Variants in BNIP3L observed in about 807,000 individuals in gnomAD.
BNIP3L encodes the protein BCL2 interacting protein 3 like.
In BNIP3L, 10 loss-of-function variants were observed where a neutral mutation model predicts 25.5. That is an observed-to-expected ratio of 0.39 (90% CI 0.24 to 0.67). BNIP3L has a LOEUF of 0.67. BNIP3L is among the 30% of genes least tolerant of loss of function. The pLI is 0.45. For missense variants in BNIP3L, 215 were observed against 270.9 expected, an observed-to-expected ratio of 0.79 and a Z score of 1.45; for synonymous variants, 113 against 101.2, an observed-to-expected ratio of 1.12 and a Z score of -0.70.
chr8:26,383,075 T>C lies in BNIP3L; in HGVS notation c.-56T>C. 1 of 1,477,158 alleles carries C rather than the reference T, an allele frequency of 6.8e-7. No individual in the cohort carries two copies. Among genetic ancestry groups the C allele is most frequent in the South Asian group, 1.2e-5 (1 of 82,504 alleles). 91.5% of individuals were successfully genotyped at this position (1,477,158 alleles called of 1,614,324 possible). ...CGGCGGACTCGGCTTGTTGTGTTGC[T>C]GCCTGAGTGCCGGAGACGGTCCTGC... On this transcript the variant is annotated 5_prime_UTR_variant, in exon 1 of 6. Transcript: ENST00000380629.
intron 3 of BNIP3L, among the ~76,000 whole-genome samples, chr8:26,402,177 C>G (rs1806398895): frequency 6.6e-6 from 1 of 152,116 alleles, no homozygotes; most frequent in African/African-American, 2.4e-5. Context: ...TTTTGCTTTT[C>G]TCTGAAATGT....
intron 2 of BNIP3L, 125 bp downstream of exon 2, chr8:26,391,551 T>C: frequency 1.3e-6 from 1 of 750,970 alleles, no homozygotes; most frequent in South Asian, 2.6e-5. Flanking sequence ...TATATTGTAG[T>C]ATAATATATA....
Position 26,385,016 on chromosome 8 carries a change from C to A in BNIP3L, c.100+1786C>A, listed in dbSNP as rs192556546. On this transcript the variant is annotated intron_variant, in intron 1 of 5. Coordinates refer to ENST00000380629, the MANE Select transcript of BNIP3L (RefSeq NM_004331.3). ...GGCTGGTCTCAAACTCCTGACCTCA[C>A]GTCATCCGCCCGCCTGGGCCTCCCA... 1.7e-3 allele frequency among the ~76,000 whole-genome samples: 253 copies of A among 151,916 alleles called. 1 individual carries two copies. The highest frequency in any genetic ancestry group is 2.6e-3 in the Non-Finnish European group (179 of 67,932).
At chr8:26,406,874 A>C (rs536204391) in intron 3 of BNIP3L, among the ~76,000 whole-genome samples, 1 of 151,310 alleles carries the variant, frequency 6.6e-6, no homozygotes, top group East Asian at 1.9e-4. Flanking sequence ...TTAAGTGCTC[A>C]ATAAATACTA....
intron 3 of BNIP3L, among the ~76,000 whole-genome samples, chr8:26,404,419 G>A (rs1245724387): frequency 1.3e-5 from 2 of 152,144 alleles, no homozygotes; most frequent in Admixed American, 1.3e-4. Flanking sequence ...ATATTTAGAG[G>A]ACAGAGTGAC....
intron 3 of BNIP3L, 49 bp from the exon 4 acceptor site, chr8:26,407,948 TAGG>T: frequency 1.3e-6 from 2 of 1,504,862 alleles, no homozygotes; most frequent in Non-Finnish European, 1.8e-6. Flanking sequence ...TTCTTTGTAT[TAGG>T]AGGAATTGGT....
chr8:26,400,886 G>A (rs1305487875), intron 3 of BNIP3L, among the ~76,000 whole-genome samples: 1 of 140,686 alleles, frequency 7.1e-6, no homozygotes, highest in Non-Finnish European at 1.5e-5. Context: ...ACACCAGTTA[G>A]AATGGCAATC....
chr8:26,407,248 C>T (rs1341060181), intron 3 of BNIP3L, among the ~76,000 whole-genome samples: 4 of 151,490 alleles, frequency 2.6e-5, no homozygotes, highest in African/African-American at 9.7e-5. Context: ...TGTAGTGGCG[C>T]GATCTCTGCT....
At chr8:26,393,519 C>G (rs1176777051) in intron 2 of BNIP3L, among the ~76,000 whole-genome samples, 1 of 151,576 alleles carries the variant, frequency 6.6e-6, no homozygotes, top group Non-Finnish European at 1.5e-5. Flanking sequence ...CCAGCCGATT[C>G]TAATATGTGC....
Position 26,384,711 on chromosome 8 carries a change from C to T in BNIP3L, c.100+1481C>T, listed in dbSNP as rs537421841. 5.5e-5 allele frequency among the ~76,000 whole-genome samples: 8 copies of T among 146,636 alleles called. 1 individual carries two copies. In the South Asian group the frequency reaches 1.8e-3, roughly 32 times the overall value. ...GAGGTTCTCATGTTCAGCCTGTCTACTGCTCTTTTGAGGACATTTTTTTTT... is the reference window on the plus strand; with the variant it reads ...GAGGTTCTCATGTTCAGCCTGTCTATTGCTCTTTTGAGGACATTTTTTTTT... On this transcript the variant is annotated intron_variant, in intron 1 of 5. Transcript: ENST00000380629.
At chr8:26,410,322 C>G (rs370684131) in intron 5 of BNIP3L, 42 bp from the exon 6 acceptor site, 115 of 1,610,974 alleles carry the variant, frequency 7.1e-5, no homozygotes, top group Non-Finnish European at 8.9e-5. Flanking sequence ...TGGTATAGAA[C>G]TGTTGAAACA....
Position 26,410,599 on chromosome 8 carries a change from T to G in BNIP3L, c.*187T>G. Reference sequence around the variant, plus strand: ...CTGTTGAGGCATTTTACTAACCTTATACCCTTTTTGGCCTGAAGACATTTT... The same window carrying G: ...CTGTTGAGGCATTTTACTAACCTTAGACCCTTTTTGGCCTGAAGACATTTT... On this transcript the variant is annotated 3_prime_UTR_variant, in exon 6 of 6. Transcript: ENST00000380629. 1 of 655,266 alleles carries G rather than the reference T, an allele frequency of 1.5e-6. No homozygotes were observed. The highest frequency in any genetic ancestry group is 2.6e-6 in the Non-Finnish European group (1 of 385,406). 40.6% of individuals were successfully genotyped at this position (655,266 alleles called of 1,614,324 possible). A position where few individuals can be genotyped will look rare whatever the true frequency, so the allele number is the denominator to read the frequency against.
chr8:26,383,486 G>T (rs1380867980), intron 1 of BNIP3L: 10 of 1,224,426 alleles, frequency 8.2e-6, no homozygotes, highest in African/African-American at 3.3e-5. Context: ...CGGGTAGCGC[G>T]GATCCCCCTG....
At chr8:26,400,800 A>C (rs1806352525) in intron 3 of BNIP3L, among the ~76,000 whole-genome samples, 1 of 90,466 alleles carries the variant, frequency 1.1e-5, no homozygotes, top group Non-Finnish European at 2.3e-5. Flanking sequence ...ATGCAGCCAA[A>C]AAACACATGA....
At chr8:26,406,386 T>G (rs1173004843) in intron 3 of BNIP3L, among the ~76,000 whole-genome samples, 1 of 152,208 alleles carries the variant, frequency 6.6e-6, no homozygotes, top group Non-Finnish European at 1.5e-5. Flanking sequence ...CTATACAGTA[T>G]TCCTGGGTTT....
chr8:26,395,701 C>T lies in BNIP3L; in HGVS notation c.357+399C>T, dbSNP rs900743889. ...AGAAGACGGGTGATTTCTGCATTTC[C>T]ATCTGAGGTACCGGGTTCATCTCAC... is the stretch of plus-strand genomic sequence containing the variant. On this transcript the variant is annotated intron_variant, in intron 3 of 5. Coordinates refer to ENST00000380629, the MANE Select transcript of BNIP3L (RefSeq NM_004331.3). The T allele has an allele frequency of 2.8e-4, 56 of 197,218 alleles. No homozygotes were observed. The South Asian group carries it at 4.2e-3, about 15-fold the overall frequency. 12.2% of individuals were successfully genotyped at this position (197,218 alleles called of 1,614,324 possible). A position where few individuals can be genotyped will look rare whatever the true frequency, so the allele number is the denominator to read the frequency against.
At chr8:26,406,815 G>GAA (rs528016667) in intron 3 of BNIP3L, among the ~76,000 whole-genome samples, 3 of 123,462 alleles carry the variant, frequency 2.4e-5, no homozygotes, top group Non-Finnish European at 5.3e-5. Flanking sequence ...CCTGTCTCCA[G>GAA]AAAAAAAAAA....
rs1281527935 is a variant in BNIP3L, at chr8:26,410,427, C to T, written c.*15C>T. The T allele has an allele frequency of 5.6e-6, 9 of 1,613,980 alleles. No homozygotes were observed. Among genetic ancestry groups the T allele is most frequent in the Non-Finnish European group, 7.6e-6 (9 of 1,179,918 alleles). ...GCACCTACTGAGGGAAAGGAAAAGC[C>T]CCTGGAAATGCGTGTGACCTGTGAA... On this transcript the variant is annotated 3_prime_UTR_variant, in exon 6 of 6. Transcript: ENST00000380629.
intron 3 of BNIP3L, among the ~76,000 whole-genome samples, chr8:26,402,392 C>T (rs981649582): frequency 6.6e-6 from 1 of 152,140 alleles, no homozygotes; most frequent in Non-Finnish European, 1.5e-5. Flanking sequence ...AGAAAGTGTA[C>T]CACGGAATCC....
Sources: gnomAD v4.1 joint callset for allele counts (sites outside exome capture counted in the v4.1 genomes callset) on GRCh38, gnomAD v4.1.1 for gene constraint, MANE v1.5 for transcripts, NCBI Gene and HGNC (gene_info 2026-07-23, HGNC 2026-07-21) for gene names.